The following NRIP1 variants were observed in gnomAD, a reference collection of about 807,000 sequenced individuals.
NRIP1 encodes the protein nuclear receptor interacting protein 1, also known as nuclear receptor-interacting protein 1.
In NRIP1, 28 loss-of-function variants were observed where a neutral mutation model predicts 75.0. That is an observed-to-expected ratio of 0.37 (90% CI 0.28 to 0.51). The LOEUF (loss-of-function observed/expected upper bound fraction) is 0.51, where lower values mean the gene tolerates loss of function less well. NRIP1 is among the 20% of genes least tolerant of loss of function. The probability of loss-of-function intolerance (pLI) is 0.92; values close to 1 mark genes in which losing one functional copy is unlikely to be tolerated. For missense variants in NRIP1, 1,435 were observed against 1,343.7 expected, an observed-to-expected ratio of 1.07 and a Z score of -1.06; for synonymous variants, 526 against 487.6, an observed-to-expected ratio of 1.08 and a Z score of -1.04.
chr21:14,966,817 G>A lies in NRIP1; in HGVS notation c.1376C>T (p.Ser459Phe), dbSNP rs1158595027. Residue 459 changes from serine to phenylalanine, a missense_variant, in exon 4 of 4, where the codon TCC becomes TTC. Coordinates refer to ENST00000318948, the MANE Select transcript of NRIP1 (RefSeq NM_003489.4). ...CAAGGATTGAGTGAAGTTATCCAGG[G>A]AAACAGGTTGGTCAGATTCTGATTT... The part of the protein sequence containing the change: ...TEKSESDQPV[S>F]LDNFTQSLLN... 6.2e-7 allele frequency: 1 copy of A among 1,613,998 alleles called. No individual in the cohort carries two copies. Among genetic ancestry groups the A allele is most frequent in the African/African-American group, 1.3e-5 (1 of 74,900 alleles).
intron 3 of NRIP1, among the ~76,000 whole-genome samples, chr21:15,004,613 C>T (rs1281944988): frequency 6.6e-6 from 1 of 152,232 alleles, no homozygotes; most frequent in African/African-American, 2.4e-5. Flanking sequence ...TCCAATATGG[C>T]TACCGAGTGT....
intron 3 of NRIP1, among the ~76,000 whole-genome samples, chr21:14,973,026 T>C (rs1253918261): frequency 1.3e-5 from 2 of 152,218 alleles, no homozygotes; most frequent in African/African-American, 4.8e-5. Flanking sequence ...GAATTGTTTA[T>C]AAAATATTGA....
chr21:15,027,204 A>T (rs1261104093), intron 2 of NRIP1, among the ~76,000 whole-genome samples: 1 of 152,210 alleles, frequency 6.6e-6, no homozygotes, highest in Admixed American at 6.5e-5. Flanking sequence ...CGGTTGCAAG[A>T]CACCAGGGGC....
intron 3 of NRIP1, among the ~76,000 whole-genome samples, chr21:15,001,049 G>A (rs1329261951): frequency 6.6e-6 from 1 of 152,188 alleles, no homozygotes; most frequent in Admixed American, 6.5e-5. Context: ...TGATTATACA[G>A]ATCTCCGGAA....
intron 2 of NRIP1, among the ~76,000 whole-genome samples, chr21:15,029,347 G>A (rs1356763276): frequency 6.6e-6 from 1 of 151,952 alleles, no homozygotes; most frequent in Non-Finnish European, 1.5e-5. Context: ...CTTCCCAGAG[G>A]GCTGCATCAC....
intron 1 of NRIP1, chr21:15,051,706 C>T (rs2089204711): frequency 6.6e-6 from 1 of 152,210 alleles, no homozygotes; most frequent in Non-Finnish European, 1.5e-5. Context: ...CCTTGGACTT[C>T]TAATCTTTAC....
chr21:15,054,215 C>A (rs538041832), intron 1 of NRIP1, among the ~76,000 whole-genome samples: 4 of 152,268 alleles, frequency 2.6e-5, no homozygotes, highest in South Asian at 4.1e-4. Flanking sequence ...TTACTGCACA[C>A]CAAAATGAAC....
At position 14,966,824 on chromosome 21, in the gene NRIP1, G is replaced by C; in HGVS notation, c.1369C>G (p.Pro457Ala). 6.2e-7 allele frequency: 1 copy of C among 1,614,088 alleles called. No individual in the cohort carries two copies. The part of the protein sequence containing the change: ...HRTEKSESDQ[P>A]VSLDNFTQSL... ...TGAGTGAAGTTATCCAGGGAAACAG[G>C]TTGGTCAGATTCTGATTTTTCAGTT... Residue 457 changes from proline to alanine, a missense_variant, in exon 4 of 4, where the codon CCT becomes GCT. By Grantham distance (27) the Pro-to-Ala change is conservative (BLOSUM62 -1). Coordinates refer to ENST00000318948, the MANE Select transcript of NRIP1 (RefSeq NM_003489.4).
In NRIP1 at chr21:14,966,646, T is replaced by G; in HGVS notation, c.1547A>C (p.Asn516Thr). 6.2e-7 allele frequency: 1 copy of G among 1,614,102 alleles called. No homozygotes were observed. Among genetic ancestry groups the G allele is most frequent in the Non-Finnish European group, 8.5e-7 (1 of 1,179,986 alleles). ...ATTGTGTACTCCCTGAGGGCTGGTG[T>G]TTTTTTCTACATTTTCTTCATTCTT... is the stretch of plus-strand genomic sequence containing the variant. ...GHKNEENVEK[N>T]TSPQGVHNDV... Residue 516 changes from asparagine (N) to threonine (T), a missense_variant, in exon 4 of 4, where the codon AAC (asparagine) becomes ACC (threonine). Physicochemically the swap from Asn to Thr is moderately conservative, Grantham distance 65. Transcript: ENST00000318948.
rs1361344513 is a variant in NRIP1, at chr21:14,966,829, T to C, written c.1364A>G (p.Asp455Gly). 2 of 1,614,122 alleles carry C rather than the reference T, an allele frequency of 1.2e-6. No individual in the cohort carries two copies. The highest frequency in any genetic ancestry group is 1.7e-6 in the Non-Finnish European group (2 of 1,179,982). ...CKHRTEKSES[D>G]QPVSLDNFTQ... Reference sequence around the variant, plus strand: ...GAAGTTATCCAGGGAAACAGGTTGGTCAGATTCTGATTTTTCAGTTCGGTG... The same window carrying C: ...GAAGTTATCCAGGGAAACAGGTTGGCCAGATTCTGATTTTTCAGTTCGGTG... Residue 455 changes from aspartate (D) to glycine (G), a missense_variant, in exon 4 of 4, where the codon GAC (aspartate) becomes GGC (glycine). Physicochemically the swap from Asp to Gly is moderately conservative, Grantham distance 94. Coordinates refer to ENST00000318948, the MANE Select transcript of NRIP1 (RefSeq NM_003489.4).
chr21:15,048,106 A>C (rs2089125953), intron 1 of NRIP1, among the ~76,000 whole-genome samples: 1 of 152,214 alleles, frequency 6.6e-6, no homozygotes, highest in Non-Finnish European at 1.5e-5. Context: ...ATATGGGCAC[A>C]GTTCATGGTA....
At chr21:15,019,667 T>C (rs540311784) in intron 2 of NRIP1, among the ~76,000 whole-genome samples, 2 of 151,880 alleles carry the variant, frequency 1.3e-5, no homozygotes, top group South Asian at 4.2e-4. Flanking sequence ...TTTGTATTTT[T>C]AGTAGAGACG....
upstream of NRIP1, chr21:15,065,001 G>A: frequency 6.5e-6 from 1 of 153,462 alleles, no homozygotes; most frequent in Non-Finnish European, 1.4e-5. Flanking sequence ...TGCAATGTCT[G>A]CGAGGCTGAC....
chr21:15,015,774 A>G (rs1428567072), intron 2 of NRIP1, among the ~76,000 whole-genome samples: 1 of 152,190 alleles, frequency 6.6e-6, no homozygotes, highest in Non-Finnish European at 1.5e-5. Context: ...TAAATGCAGT[A>G]ATTATTTCTG....
chr21:14,972,506 G>A (rs1402374622), intron 3 of NRIP1, among the ~76,000 whole-genome samples: 2 of 152,122 alleles, frequency 1.3e-5, no homozygotes, highest in Non-Finnish European at 2.9e-5. Context: ...TTTAGTGAAA[G>A]ACAACCACAT....
At chr21:15,034,455 T>C (rs954053825) in intron 2 of NRIP1, among the ~76,000 whole-genome samples, 3 of 152,170 alleles carry the variant, frequency 2.0e-5, no homozygotes, top group African/African-American at 7.2e-5. Context: ...AGCAAGTCCA[T>C]GTGGGAGTTT....
rs1489765928 is a variant in NRIP1 at position 14,965,598 on chromosome 21, T to C, written c.2595A>G (p.Pro865=). 1.3e-5 allele frequency: 21 copies of C among 1,613,892 alleles called. No individual in the cohort carries two copies. The highest frequency in any genetic ancestry group is 2.2e-5 in the South Asian group (2 of 91,080). The change falls in exon 4 of 4, where the codon CCA becomes CCG. Residue 865 remains proline (P), a synonymous_variant. Coordinates refer to ENST00000318948, the MANE Select transcript of NRIP1 (RefSeq NM_003489.4). ...VPKKRKLYTE[P]LENPFKKMKN... is the part of the protein sequence containing the mutation. ...TCATCTTTTTAAATGGATTTTCTAA[T>C]GGCTCAGTATAAAGCTTCCTTTTCT...
In NRIP1 at chr21:14,965,536, G is replaced by A. The variant is rs1296123708; in HGVS notation, c.2657C>T (p.Ala886Val). ...NIVDAANNHS[A>V]PEVLYGSLLN... ...CAAGGACCCATACAGTACTTCTGGG[G>A]CACTGTGATTGTTTGCAGCATCAAC... The change falls in exon 4 of 4, where the codon GCC (alanine) becomes GTC (valine). Residue 886 changes from alanine to valine, a missense_variant. Transcript: ENST00000318948. 2 of 1,613,994 alleles carry A rather than the reference G, an allele frequency of 1.2e-6. No homozygotes were observed. The highest frequency in any genetic ancestry group is 1.7e-5 in the Admixed American group (1 of 60,010).
intron 3 of NRIP1, among the ~76,000 whole-genome samples, chr21:14,988,350 A>G (rs1263426548): frequency 6.6e-6 from 1 of 152,134 alleles, no homozygotes; most frequent in Non-Finnish European, 1.5e-5. Context: ...GAACTTTCTC[A>G]AACAAAATTT....
Sources: gnomAD v4.1 joint callset for allele counts (sites outside exome capture counted in the v4.1 genomes callset) on GRCh38, gnomAD v4.1.1 for gene constraint, MANE v1.5 for transcripts, NCBI Gene and HGNC (gene_info 2026-07-23, HGNC 2026-07-21) for gene names.